The following CACNA1C variants were observed in gnomAD, a reference collection of about 807,000 sequenced individuals.
CACNA1C encodes calcium voltage-gated channel subunit alpha1 C, also known as voltage-dependent L-type calcium channel subunit alpha-1C.
A neutral mutation model predicts 229.0 loss-of-function variants in CACNA1C; 30 were observed. The observed-to-expected ratio is 0.13, with a 90% CI of 0.10 to 0.18. The LOEUF is 0.18. CACNA1C is among the 10% of genes least tolerant of loss of function. The pLI is 1.00. For missense variants in CACNA1C, 1,658 were observed against 2,845.0 expected (o/e 0.58, Z 9.49); for synonymous variants, 1,114 against 1,132.5 (o/e 0.98, Z 0.33).
intron 21 of CACNA1C, among the ~76,000 whole-genome samples, chr12:2,600,858 C>A (rs2071700564): frequency 6.6e-6 from 1 of 152,320 alleles, no homozygotes; most frequent in Non-Finnish European, 1.5e-5. Context: ...GACAGCTCAC[C>A]CTTTTATGGG....
At chr12:2,240,747 G>A (rs961113107) in intron 3 of CACNA1C, among the ~76,000 whole-genome samples, 1 of 143,716 alleles carries the variant, frequency 7.0e-6, no homozygotes, top group South Asian at 2.3e-4. Flanking sequence ...TGGTTAGGTG[G>A]GCACGCGTGG....
intron 13 of CACNA1C, among the ~76,000 whole-genome samples, chr12:2,580,390 T>C (rs2060071749): frequency 6.6e-6 from 1 of 152,152 alleles, no homozygotes; most frequent in Admixed American, 6.5e-5. Flanking sequence ...GTGGCTGCAA[T>C]GGGAGTGGCT....
intron 3 of CACNA1C, among the ~76,000 whole-genome samples, chr12:2,194,155 C>T (rs1003843173): frequency 2.0e-5 from 3 of 151,528 alleles, no homozygotes; most frequent in Admixed American, 6.6e-5. Context: ...CCTCCTCCTC[C>T]TAGTGCTTCT....
At chr12:2,465,141 G>A (rs2099542138) in intron 5 of CACNA1C, among the ~76,000 whole-genome samples, 1 of 152,226 alleles carries the variant, frequency 6.6e-6, no homozygotes, top group Non-Finnish European at 1.5e-5. Flanking sequence ...CCTGCTTATA[G>A]TAAGTGCTCA....
chr12:2,159,507 A>T (rs1022011234), intron 3 of CACNA1C, among the ~76,000 whole-genome samples: 4 of 152,064 alleles, frequency 2.6e-5, no homozygotes, highest in African/African-American at 9.7e-5. Flanking sequence ...ATAAATAAAT[A>T]AATAAATTAA....
chr12:2,004,144 C>T (rs1403610338), intron 1 of CACNA1C: 2 of 1,250,132 alleles, frequency 1.6e-6, no homozygotes, highest in Non-Finnish European at 2.2e-6. Flanking sequence ...TCCACAACTT[C>T]GGCCTCAGTC....
chr12:1,994,447 G>A (rs1244419649), intron 1 of CACNA1C, among the ~76,000 whole-genome samples: 1 of 152,212 alleles, frequency 6.6e-6, no homozygotes, highest in Non-Finnish European at 1.5e-5. Context: ...TTTTAAAATT[G>A]ATGGGAGGCA....
intron 3 of CACNA1C, among the ~76,000 whole-genome samples, chr12:2,153,788 C>T (rs2095416167): frequency 6.6e-6 from 1 of 152,130 alleles, no homozygotes; most frequent in Non-Finnish European, 1.5e-5. Flanking sequence ...GCAAATGGTG[C>T]CTGCCTTGTC....
intron 30 of CACNA1C, among the ~76,000 whole-genome samples, chr12:2,635,121 C>A (rs763938257): frequency 1.3e-5 from 2 of 152,110 alleles, no homozygotes; most frequent in Non-Finnish European, 2.9e-5. Flanking sequence ...GAAGCAGGCC[C>A]CATGTGAGCG....
chr12:2,058,749 T>G (rs1245897435), intron 1 of CACNA1C, among the ~76,000 whole-genome samples: 1 of 152,204 alleles, frequency 6.6e-6, no homozygotes, highest in Non-Finnish European at 1.5e-5. Context: ...AATGGAATGT[T>G]TTTCGGTGTC....
Position 2,682,545 on chromosome 12 carries a change from T to G in CACNA1C, c.5445-5T>G. Reference sequence around the variant, plus strand: ...TGATGTTTTTCTTCATCTTGGATATTGTAGGTGCCACTCCCGGGAGAGCCA... The same window carrying G: ...TGATGTTTTTCTTCATCTTGGATATGGTAGGTGCCACTCCCGGGAGAGCCA... On this transcript the variant is annotated splice_region_variant and splice_polypyrimidine_tract_variant and intron_variant, in intron 42 of 46. Coordinates refer to ENST00000399655, the MANE Select transcript of CACNA1C (RefSeq NM_000719.7). 6.2e-7 allele frequency: 1 copy of G among 1,611,412 alleles called. No homozygotes were observed. The highest frequency in any genetic ancestry group is 8.5e-7 in the Non-Finnish European group (1 of 1,179,118).
At chr12:2,114,321 T>C (rs1177099250) in intron 1 of CACNA1C, among the ~76,000 whole-genome samples, 2 of 152,086 alleles carry the variant, frequency 1.3e-5, no homozygotes, top group Non-Finnish European at 2.9e-5. Context: ...CTGCCTTGTG[T>C]GGGGGCTGGC....
chr12:2,594,024 G>A (rs945634107), intron 19 of CACNA1C, among the ~76,000 whole-genome samples: 3 of 152,332 alleles, frequency 2.0e-5, no homozygotes, highest in South Asian at 4.1e-4. Context: ...TTGTCCTGCA[G>A]CACAAGAAAG....
intron 3 of CACNA1C, among the ~76,000 whole-genome samples, chr12:2,355,646 C>G (rs776045921): frequency 5.3e-5 from 8 of 152,228 alleles, no homozygotes; most frequent in Non-Finnish European, 1.2e-4. Context: ...TGGTTTATAC[C>G]TCTTTTATGG....
At chr12:2,574,306 GT>G (rs1178871742) in intron 13 of CACNA1C, among the ~76,000 whole-genome samples, 1 of 152,178 alleles carries the variant, frequency 6.6e-6, no homozygotes, top group African/African-American at 2.4e-5. Context: ...TCAATATCCA[GT>G]TTTTCTACTC....
At chr12:2,303,662 A>AG (rs1057323803) in intron 3 of CACNA1C, among the ~76,000 whole-genome samples, 1 of 152,150 alleles carries the variant, frequency 6.6e-6, no homozygotes, top group African/African-American at 2.4e-5. Flanking sequence ...CTGAGGTGCT[A>AG]GGGGTGAGGG....
chr12:2,584,378 A>AT (rs546703038), intron 15 of CACNA1C, 125 bp from the exon 16 acceptor site: 250 of 657,902 alleles, frequency 3.8e-4, no homozygotes, highest in African/African-American at 2.2e-3. Context: ...ACTCCCTCAA[A>AT]TTGCTTCCCC....
chr12:2,075,183 G>C (rs2154526283), intron 1 of CACNA1C, among the ~76,000 whole-genome samples: 1 of 152,302 alleles, frequency 6.6e-6, no homozygotes, highest in African/African-American at 2.4e-5. Flanking sequence ...CAGAGACTTT[G>C]ATGATTGCAA....
intron 3 of CACNA1C, among the ~76,000 whole-genome samples, chr12:2,368,749 T>C (rs2097780928): frequency 6.6e-6 from 1 of 152,218 alleles, no homozygotes. Context: ...GTATTTTCTT[T>C]GTTTATATTT....
Sources: gnomAD v4.1 joint callset for allele counts (sites outside exome capture counted in the v4.1 genomes callset) on GRCh38, gnomAD v4.1.1 for gene constraint, MANE v1.5 for transcripts, NCBI Gene and HGNC (gene_info 2026-07-23, HGNC 2026-07-21) for gene names.